Variants in CSMD1 observed in about 807,000 individuals in gnomAD.
CSMD1 encodes CUB and Sushi multiple domains 1, also known as CUB and sushi domain-containing protein 1.
In CSMD1, 213 loss-of-function variants were observed where a neutral mutation model predicts 417.5. That is an observed-to-expected ratio of 0.51 (90% confidence interval 0.46 to 0.57). The LOEUF (loss-of-function observed/expected upper bound fraction) is 0.57, where lower values mean the gene tolerates loss of function less well. Ranked by LOEUF, CSMD1 falls within the 20% of genes least tolerant of loss-of-function variation. CSMD1 has a pLI of 0.00. For missense variants in CSMD1, 6,923 were observed against 4,529.7 expected (o/e 1.53, Z -15.17); for synonymous variants, 2,862 against 1,736.8 (o/e 1.65, Z -16.11).
chr8:3,223,496 G>A (rs965084014), intron 28 of CSMD1, among the ~76,000 whole-genome samples: 12 of 152,122 alleles, frequency 7.9e-5, no homozygotes, highest in African/African-American at 2.9e-4. Context: ...CACATTGTGT[G>A]CAAGACAAAC....
At chr8:3,462,127 C>A (rs537433446) in intron 12 of CSMD1, among the ~76,000 whole-genome samples, 1 of 152,078 alleles carries the variant, frequency 6.6e-6, no homozygotes, top group Non-Finnish European at 1.5e-5. Context: ...TCCAGGCCCC[C>A]CCCCCCACCT....
chr8:3,010,805 A>G (rs1244770139), intron 52 of CSMD1, among the ~76,000 whole-genome samples: 1 of 149,536 alleles, frequency 6.7e-6, no homozygotes, highest in Non-Finnish European at 1.5e-5. Flanking sequence ...GTGTAATGGC[A>G]TGATCTCGGC....
At chr8:3,318,887 T>TAACA (rs1186142910) in intron 23 of CSMD1, among the ~76,000 whole-genome samples, 2 of 152,118 alleles carry the variant, frequency 1.3e-5, no homozygotes, top group Non-Finnish European at 2.9e-5. Flanking sequence ...GACTGTAAAC[T>TAACA]AACACAGGTC....
intron 1 of CSMD1, among the ~76,000 whole-genome samples, chr8:4,642,933 G>T (rs572375083): frequency 6.6e-6 from 1 of 152,196 alleles, no homozygotes; most frequent in African/African-American, 2.4e-5. Flanking sequence ...ATACTCTGTA[G>T]CAAATTCTAC....
chr8:4,138,733 G>C (rs566528146), intron 3 of CSMD1, among the ~76,000 whole-genome samples: 2 of 152,216 alleles, frequency 1.3e-5, no homozygotes, highest in East Asian at 1.9e-4. Flanking sequence ...AATTTAACTA[G>C]AGGAAAAATA....
Position 3,928,979 on chromosome 8 carries a change from G to C in CSMD1, c.818+68924C>G, listed in dbSNP as rs577914683. Among the ~76,000 whole-genome samples, 11 of 150,628 alleles carry C rather than the reference G, an allele frequency of 7.3e-5. 1 individual carries two copies. Among genetic ancestry groups the C allele is most frequent in the East Asian group, 3.9e-4 (2 of 5,136 alleles). On this transcript the variant is annotated intron_variant, in intron 5 of 69. Coordinates refer to ENST00000635120, the MANE Select transcript of CSMD1 (RefSeq NM_033225.6). ...GTGGTTTTGTGTGCTAAAACAATTG[G>C]TTGTCATTGTATAAGAAATCTTACC...
intron 5 of CSMD1, among the ~76,000 whole-genome samples, chr8:3,873,861 G>C (rs1437260110): frequency 6.6e-6 from 1 of 152,180 alleles, no homozygotes; most frequent in Non-Finnish European, 1.5e-5. Flanking sequence ...ACACAGAGGA[G>C]ATATTCATTT....
intron 1 of CSMD1, among the ~76,000 whole-genome samples, chr8:4,872,540 C>T (rs974120572): frequency 6.6e-6 from 1 of 152,014 alleles, no homozygotes; most frequent in Admixed American, 6.5e-5. Context: ...TGTAAGTTTC[C>T]TGAGGCTTCC....
intron 1 of CSMD1, among the ~76,000 whole-genome samples, chr8:4,920,222 C>T (rs142136105): frequency 0.015 from 2,327 of 152,220 alleles, 27 homozygotes; most frequent in South Asian, 0.027. Flanking sequence ...AGGATCTTCA[C>T]CCCCAAATCT....
intron 1 of CSMD1, among the ~76,000 whole-genome samples, chr8:4,657,157 C>G (rs1021075055): frequency 6.6e-6 from 1 of 152,154 alleles, no homozygotes; most frequent in Non-Finnish European, 1.5e-5. Context: ...CTCAGAAACT[C>G]ACACATATGC....
intron 23 of CSMD1, among the ~76,000 whole-genome samples, chr8:3,310,053 A>G (rs939048225): frequency 6.6e-6 from 1 of 152,202 alleles, no homozygotes; most frequent in Non-Finnish European, 1.5e-5. Flanking sequence ...AGAACAGAAG[A>G]GTGTATCCAT....
intron 2 of CSMD1, among the ~76,000 whole-genome samples, chr8:4,478,013 G>A (rs1344618273): frequency 6.6e-6 from 1 of 152,160 alleles, no homozygotes; most frequent in East Asian, 1.9e-4. Flanking sequence ...GGAACTCAGT[G>A]AATTCTACTA....
intron 1 of CSMD1, among the ~76,000 whole-genome samples, chr8:4,743,653 C>G (rs1331703818): frequency 6.6e-6 from 1 of 152,140 alleles, no homozygotes; most frequent in South Asian, 2.1e-4. Flanking sequence ...ACACCTTAAT[C>G]ATTTGTGAGT....
intron 1 of CSMD1, among the ~76,000 whole-genome samples, chr8:4,818,910 A>G (rs892655044): frequency 1.3e-5 from 2 of 152,220 alleles, no homozygotes; most frequent in Non-Finnish European, 2.9e-5. Flanking sequence ...TGGTGAGAAC[A>G]AGGTTTGGAA....
chr8:3,198,110 C>T (rs946950002), intron 33 of CSMD1, among the ~76,000 whole-genome samples: 3 of 152,216 alleles, frequency 2.0e-5, no homozygotes, highest in Admixed American at 6.5e-5. Context: ...TTGATGAAAA[C>T]GTATTACTTT....
intron 52 of CSMD1, among the ~76,000 whole-genome samples, chr8:3,017,271 C>T (rs944357749): frequency 6.6e-6 from 1 of 152,172 alleles, no homozygotes; most frequent in African/African-American, 2.4e-5. Context: ...TTGTCCATAT[C>T]AAAGCTGCCT....
At chr8:4,001,346 C>A (rs574378078) in intron 4 of CSMD1, among the ~76,000 whole-genome samples, 220 of 152,278 alleles carry the variant, frequency 1.4e-3, no homozygotes, top group Middle Eastern at 6.8e-3. Context: ...AGGGCCCCCA[C>A]CCTGCAGCCA....
At chr8:4,060,396 C>G (rs573647072) in intron 3 of CSMD1, among the ~76,000 whole-genome samples, 10 of 152,280 alleles carry the variant, frequency 6.6e-5, no homozygotes, top group African/African-American at 1.9e-4. Flanking sequence ...GACAGGGATG[C>G]CCTCTCTCAC....
intron 10 of CSMD1, among the ~76,000 whole-genome samples, chr8:3,510,330 C>G (rs1342864674): frequency 6.6e-6 from 1 of 151,774 alleles, no homozygotes; most frequent in African/African-American, 2.4e-5. Flanking sequence ...CAGGAAAGAG[C>G]AACACAGCCG....
Sources: gnomAD v4.1 joint callset for allele counts (sites outside exome capture counted in the v4.1 genomes callset) on GRCh38, gnomAD v4.1.1 for gene constraint, MANE v1.5 for transcripts, NCBI Gene and HGNC (gene_info 2026-07-23, HGNC 2026-07-21) for gene names.